CDH12: variants seen among roughly 807,000 people sequenced by gnomAD.
CDH12 encodes the protein cadherin-12.
In CDH12, 41 loss-of-function variants were observed where a neutral mutation model predicts 74.1. The ratio of observed to expected loss-of-function variants is 0.55; its 90% CI spans 0.43 to 0.72. The LOEUF (loss-of-function observed/expected upper bound fraction) is 0.72, where lower values mean the gene tolerates loss of function less well. CDH12 is among the 30% of genes least tolerant of loss of function. CDH12 has a pLI of 0.00. For missense variants in CDH12, 945 were observed against 977.2 expected (o/e 0.97, Z 0.44); for synonymous variants, 399 against 355.0 (o/e 1.12, Z -1.39).
chr5:21,800,431 C>T (rs2149920425), intron 10 of CDH12, among the ~76,000 whole-genome samples: 1 of 152,154 alleles, frequency 6.6e-6, no homozygotes, highest in African/African-American at 2.4e-5. Context: ...AAAGATGGGG[C>T]ATTTGGGAGG....
intron 2 of CDH12, among the ~76,000 whole-genome samples, chr5:22,426,043 T>C (rs897943818): frequency 3.3e-5 from 5 of 151,716 alleles, no homozygotes; most frequent in East Asian, 1.9e-4. Context: ...AAAAATTAGC[T>C]GGGTGTGGTG....
intron 6 of CDH12, among the ~76,000 whole-genome samples, chr5:21,856,333 C>T (rs1750752160): frequency 6.6e-6 from 1 of 151,672 alleles, no homozygotes; most frequent in Admixed American, 6.6e-5. Flanking sequence ...TTCTATCCCT[C>T]CACTATACAT....
chr5:22,158,843 A>G (rs1247312957), intron 4 of CDH12, among the ~76,000 whole-genome samples: 4 of 152,142 alleles, frequency 2.6e-5, no homozygotes, highest in Non-Finnish European at 5.9e-5. Context: ...CATCATTTAT[A>G]TTATCTAAGG....
intron 1 of CDH12, among the ~76,000 whole-genome samples, chr5:22,639,999 A>G (rs1739062299): frequency 2.0e-5 from 3 of 152,220 alleles, no homozygotes; most frequent in Admixed American, 2.0e-4. Context: ...AATGAATTTA[A>G]CAAATACATT....
At chr5:22,833,104 C>T (rs1408618058) in intron 1 of CDH12, among the ~76,000 whole-genome samples, 1 of 152,002 alleles carries the variant, frequency 6.6e-6, no homozygotes, top group Non-Finnish European at 1.5e-5. Flanking sequence ...CAAGGTTTCC[C>T]CAGGTAGATA....
At chr5:21,795,072 ATATC>A (rs1470396794) in intron 10 of CDH12, among the ~76,000 whole-genome samples, 2 of 151,688 alleles carry the variant, frequency 1.3e-5, no homozygotes, top group African/African-American at 2.4e-5. Flanking sequence ...CCTCCATATC[ATATC>A]TATTTCCTTT....
intron 2 of CDH12, among the ~76,000 whole-genome samples, chr5:22,465,488 A>G (rs1170511290): frequency 6.6e-6 from 1 of 152,128 alleles, no homozygotes; most frequent in Non-Finnish European, 1.5e-5. Flanking sequence ...TCCACAAAAA[A>G]TTTAAAAATT....
At chr5:22,343,734 G>A (rs1043265566) in intron 3 of CDH12, among the ~76,000 whole-genome samples, 3 of 152,116 alleles carry the variant, frequency 2.0e-5, no homozygotes, top group Non-Finnish European at 4.4e-5. Context: ...AATGTGGAAA[G>A]TTGTCTTCCA....
intron 1 of CDH12, among the ~76,000 whole-genome samples, chr5:22,847,610 A>ATGG (rs1355115655): frequency 3.9e-5 from 6 of 152,164 alleles, no homozygotes; most frequent in African/African-American, 1.4e-4. Flanking sequence ...ATTACATTTA[A>ATGG]AAGTATTATT....
chr5:22,552,410 C>T (rs950925781), intron 1 of CDH12, among the ~76,000 whole-genome samples: 1 of 151,690 alleles, frequency 6.6e-6, no homozygotes, highest in African/African-American at 2.4e-5. Flanking sequence ...TGAAAAGACA[C>T]CTTAACACCC....
rs1383463308 is a variant in CDH12, at chr5:21,833,351, T to C, written c.814+8810A>G. Among the ~76,000 whole-genome samples the C allele has an allele frequency of 3.1e-4, 21 of 67,396 alleles. 3 individuals carry two copies. The highest frequency in any genetic ancestry group is 4.6e-4 in the Non-Finnish European group (21 of 45,494). The allele number at this position is 67,396 out of a possible 152,430, so 44.2% of individuals were successfully genotyped here. A position where few individuals can be genotyped will look rare whatever the true frequency, so the allele number is the denominator to read the frequency against. On this transcript the variant is annotated intron_variant, in intron 8 of 14. Coordinates refer to ENST00000382254, the MANE Select transcript of CDH12 (RefSeq NM_004061.5). ...ATATTATATATTATATAACATATAA[T>C]ATATATTATATATTATATAGTATAA...
At chr5:22,784,231 AAAT>A (rs1483491302) in intron 1 of CDH12, among the ~76,000 whole-genome samples, 1 of 152,032 alleles carries the variant, frequency 6.6e-6, no homozygotes, top group African/African-American at 2.4e-5. Flanking sequence ...CTTCCTGTAC[AAAT>A]AATGTTATAT....
rs1030667816 is a variant in CDH12 at position 22,587,453 on chromosome 5, C to CTTTCTTTCATGTT, written c.-522-82090_-522-82089insAACATGAAAGAAA. Among the ~76,000 whole-genome samples the CTTTCTTTCATGTT allele has an allele frequency of 1.5e-4, 23 of 152,136 alleles. 1 individual carries two copies. Among genetic ancestry groups the CTTTCTTTCATGTT allele is most frequent in the African/African-American group, 5.3e-4 (22 of 41,418 alleles). On this transcript the variant is annotated intron_variant, in intron 1 of 14. Coordinates refer to ENST00000382254, the MANE Select transcript of CDH12 (RefSeq NM_004061.5). The stretch of plus-strand genomic sequence containing the variant: ...AGAGTGAGAAGAAACTATTCATGTT[C>CTTTCTTTCATGTT]CTGGGTCTTTCATTTAATTTCATCA...
At chr5:22,289,801 C>A (rs1255014814) in intron 3 of CDH12, among the ~76,000 whole-genome samples, 1 of 152,090 alleles carries the variant, frequency 6.6e-6, no homozygotes, top group Non-Finnish European at 1.5e-5. Context: ...TTTGAAAACT[C>A]AGCACTGAGC....
At chr5:21,876,575 T>C (rs975379861) in intron 6 of CDH12, among the ~76,000 whole-genome samples, 1 of 152,348 alleles carries the variant, frequency 6.6e-6, no homozygotes, top group East Asian at 1.9e-4. Context: ...TACAATGTTT[T>C]CCTTATGCAT....
At chr5:22,784,835 T>G (rs1413711953) in intron 1 of CDH12, among the ~76,000 whole-genome samples, 1 of 152,172 alleles carries the variant, frequency 6.6e-6, no homozygotes, top group African/African-American at 2.4e-5. Context: ...GTATGGCAAG[T>G]GATAATGAGG....
chr5:22,579,778 T>C (rs1739985916), intron 1 of CDH12, among the ~76,000 whole-genome samples: 1 of 152,184 alleles, frequency 6.6e-6, no homozygotes, highest in South Asian at 2.1e-4. Context: ...ATATATCAGA[T>C]TAATTGTATC....
At chr5:22,236,181 G>T (rs1752553003) in intron 3 of CDH12, among the ~76,000 whole-genome samples, 1 of 152,132 alleles carries the variant, frequency 6.6e-6, no homozygotes, top group Admixed American at 6.5e-5. Flanking sequence ...ATTACACATG[G>T]ACTTCATAAA....
At chr5:22,113,829 C>A (rs1020242538) in intron 4 of CDH12, among the ~76,000 whole-genome samples, 2 of 152,128 alleles carry the variant, frequency 1.3e-5, no homozygotes, top group African/African-American at 4.8e-5. Context: ...TTATTATAAT[C>A]TCCCTTGCAA....
Sources: gnomAD v4.1 joint callset for allele counts (sites outside exome capture counted in the v4.1 genomes callset) on GRCh38, gnomAD v4.1.1 for gene constraint, MANE v1.5 for transcripts, NCBI Gene and HGNC (gene_info 2026-07-23, HGNC 2026-07-21) for gene names.